SETD5: variants seen among roughly 807,000 people sequenced by gnomAD.
SETD5 encodes the protein SET domain containing 5.
A neutral mutation model predicts 153.3 loss-of-function variants in SETD5; 44 were observed. The ratio of observed to expected loss-of-function variants is 0.29; its 90% CI spans 0.23 to 0.37. The LOEUF (loss-of-function observed/expected upper bound fraction) is 0.37, where lower values mean the gene tolerates loss of function less well. Ranked by LOEUF, SETD5 falls within the 10% of genes least tolerant of loss-of-function variation. SETD5 has a pLI of 1.00. For synonymous variants in SETD5, 716 were observed against 645.2 expected (o/e 1.11, Z -1.66); for missense variants, 1,544 against 1,768.0 (o/e 0.87, Z 2.27).
chr3:9,444,619 G>A (rs371992116), intron 11 of SETD5, among the ~76,000 whole-genome samples: 2 of 152,014 alleles, frequency 1.3e-5, no homozygotes, highest in African/African-American at 2.4e-5. Context: ...CGTCAGGCGC[G>A]GTGACTGACG....
In SETD5 at chr3:9,455,168, C is replaced by CTTTTTT. The variant is rs903600741; in HGVS notation, c.2476+1317_2476+1322dup. On this transcript the variant is annotated intron_variant, in intron 17 of 22. Transcript: ENST00000402198. The stretch of plus-strand genomic sequence containing the variant: ...GTGAATTGCCTTTTTTTCTTTTTTT[C>CTTTTTT]TTTTTTTTTTTTTTTTTTTTTTGAA... Among the ~76,000 whole-genome samples, 54 of 99,876 alleles carry CTTTTTT rather than the reference C, an allele frequency of 5.4e-4. 2 individuals are homozygous for CTTTTTT. The highest frequency in any genetic ancestry group is 1.0e-3 in the South Asian group (3 of 2,916). 65.5% of individuals were successfully genotyped at this position (99,876 alleles called of 152,430 possible).
rs373249407 is a variant in SETD5 at position 9,442,091 on chromosome 3, G to A, written c.960-37G>A. On this transcript the variant is annotated intron_variant, in intron 9 of 22. Coordinates refer to ENST00000402198, the MANE Select transcript of SETD5 (RefSeq NM_001080517.3). ...GAGTCATGGGGTGGCCTTCTTATTTGTGTTGAGAATTACAGGAATTTTAAT... is the reference window on the plus strand; with the variant it reads ...GAGTCATGGGGTGGCCTTCTTATTTATGTTGAGAATTACAGGAATTTTAAT... 8.7e-5 allele frequency: 122 copies of A among 1,408,036 alleles called. 1 individual carries two copies. The Admixed American group carries it at 1.2e-3, about 13-fold the overall frequency. 87.2% of individuals were successfully genotyped at this position (1,408,036 alleles called of 1,614,324 possible).
At chr3:9,469,559 G>T (rs527669539) in intron 18 of SETD5, among the ~76,000 whole-genome samples, 1 of 152,226 alleles carries the variant, frequency 6.6e-6, no homozygotes, top group South Asian at 2.1e-4. Flanking sequence ...GATTTTCTTG[G>T]TGTTTTGACT....
At chr3:9,424,783 A>G (rs1308646759) in intron 2 of SETD5, among the ~76,000 whole-genome samples, 1 of 152,184 alleles carries the variant, frequency 6.6e-6, no homozygotes, top group Non-Finnish European at 1.5e-5. Context: ...TGATCTGTTA[A>G]ATGTTCCTCG....
intron 17 of SETD5, among the ~76,000 whole-genome samples, chr3:9,459,409 C>A (rs1048757562): frequency 7.9e-5 from 12 of 151,922 alleles, no homozygotes; most frequent in African/African-American, 2.9e-4. Flanking sequence ...CCTCTACCCC[C>A]AAAAACAGCG....
intron 3 of SETD5, chr3:9,431,401 G>T (rs192412992): frequency 1.0e-6 from 1 of 982,828 alleles, no homozygotes; most frequent in East Asian, 1.1e-4. Flanking sequence ...TTTGCATAAA[G>T]TGGTTGGCTG....
intron 7 of SETD5, 110 bp downstream of exon 7, chr3:9,436,016 C>A: frequency 9.7e-7 from 1 of 1,030,394 alleles, no homozygotes; most frequent in Non-Finnish European, 1.4e-6. Context: ...GTTTGAAGGG[C>A]CACTTTTGTT....
rs747425896 is a variant in SETD5, at chr3:9,476,064, A to G, written c.4302A>G (p.Gly1434=). The change falls in exon 23 of 23, where the codon GGA becomes GGG. Residue 1434 remains glycine (G), a synonymous_variant. Coordinates refer to ENST00000402198, the MANE Select transcript of SETD5 (RefSeq NM_001080517.3). The stretch of plus-strand genomic sequence containing the variant: ...GACTCCAGCCACTGCAAGGGTCAGG[A>G]GTCAAGACTCAGACGGGACTTTCCT... ...QYRLQPLQGS[G]VKTQTGLS The G allele has an allele frequency of 1.2e-6, 2 of 1,613,812 alleles. No homozygotes were observed. Among genetic ancestry groups the G allele is most frequent in the South Asian group, 2.2e-5 (2 of 91,054 alleles).
chr3:9,474,433 C>G lies in SETD5; in HGVS notation c.3498-16C>G, dbSNP rs780349737. On this transcript the variant is annotated splice_polypyrimidine_tract_variant and intron_variant, in intron 20 of 22. Transcript: ENST00000402198. ...TAAGTCCTGTGGCTTGAACTTGCAC[C>G]CTGTTGCCTTTACAGGATGGTTCCC... is the stretch of plus-strand genomic sequence containing the variant. 8 of 1,612,236 alleles carry G rather than the reference C, an allele frequency of 5.0e-6. No homozygotes were observed. The highest frequency in any genetic ancestry group is 6.8e-6 in the Non-Finnish European group (8 of 1,179,186).
intron 1 of SETD5, among the ~76,000 whole-genome samples, chr3:9,407,669 G>C (rs988232361): frequency 4.6e-5 from 7 of 152,132 alleles, no homozygotes; most frequent in African/African-American, 1.7e-4. Flanking sequence ...TACCCCCAAA[G>C]GATTATGTCA....
rs1445048160 is a variant in SETD5 at position 9,475,557 on chromosome 3, T to A, written c.3795T>A (p.His1265Gln). 6.2e-7 allele frequency: 1 copy of A among 1,613,878 alleles called. No homozygotes were observed. Among genetic ancestry groups the A allele is most frequent in the Non-Finnish European group, 8.5e-7 (1 of 1,179,878 alleles). ...LQQSSSPFRGHPTQSPGYSYR... is the reference protein window; with the variant it reads ...LQQSSSPFRGQPTQSPGYSYR... The stretch of plus-strand genomic sequence containing the variant: ...AGAGTTCCTCCCCCTTCAGAGGACA[T>A]CCTACACAGTCTCCAGGATACAGTT... Residue 1265 changes from histidine (H) to glutamine (Q), a missense_variant, in exon 23 of 23, where the codon CAT becomes CAA. His to Gln is a conservative substitution (Grantham distance 24). Coordinates refer to ENST00000402198, the MANE Select transcript of SETD5 (RefSeq NM_001080517.3).
At chr3:9,398,148 C>A (rs984719723) in intron 1 of SETD5, among the ~76,000 whole-genome samples, 171 bp downstream of exon 1, 2 of 151,730 alleles carry the variant, frequency 1.3e-5, no homozygotes, top group Non-Finnish European at 1.5e-5. Context: ...TTGCACACAC[C>A]GTTGCAACAC....
intron 3 of SETD5, chr3:9,431,823 G>A: frequency 1.4e-6 from 1 of 708,348 alleles, no homozygotes. Flanking sequence ...CCTTTTTCCT[G>A]TCCCCCTCCC....
intron 3 of SETD5, chr3:9,432,412 CTGTACTATATATTGTAT>C (rs1431446024): frequency 1.4e-5 from 5 of 364,382 alleles, no homozygotes; most frequent in African/African-American, 2.2e-5. Flanking sequence ...CTTATTCCTG[CTGTACTATATATTGTAT>C]ATCTTTAAGC....
chr3:9,453,200 G>A (rs992493541), intron 16 of SETD5, among the ~76,000 whole-genome samples: 2 of 152,036 alleles, frequency 1.3e-5, no homozygotes, highest in African/African-American at 4.8e-5. Flanking sequence ...AGTCCCATAG[G>A]TTATTTCATT....
intron 1 of SETD5, among the ~76,000 whole-genome samples, chr3:9,419,035 CA>C (rs2037980715): frequency 6.6e-6 from 1 of 151,954 alleles, no homozygotes; most frequent in Non-Finnish European, 1.5e-5. Flanking sequence ...TCATCTTGGC[CA>C]GGCTGGTCTC....
intron 18 of SETD5, 60 bp downstream of exon 18, chr3:9,464,732 A>G (rs768982014): frequency 6.2e-7 from 1 of 1,609,540 alleles, no homozygotes; most frequent in Non-Finnish European, 8.5e-7. Context: ...GTACCTTCTC[A>G]TTTCAAATAT....
At chr3:9,423,866 C>G (rs1432020334) in intron 1 of SETD5, among the ~76,000 whole-genome samples, 1 of 152,138 alleles carries the variant, frequency 6.6e-6, no homozygotes, top group African/African-American at 2.4e-5. Context: ...TTTTCCCTTC[C>G]TTTTTGGAAG....
chr3:9,420,476 G>C (rs1440643796), intron 1 of SETD5, among the ~76,000 whole-genome samples: 1 of 152,088 alleles, frequency 6.6e-6, no homozygotes, highest in Non-Finnish European at 1.5e-5. Flanking sequence ...ATTGTGCCGA[G>C]CTCAGTAGCT....
Sources: allele counts gnomAD v4.1 joint callset (sites outside exome capture counted in the v4.1 genomes callset), GRCh38; gene constraint gnomAD v4.1.1; transcripts MANE v1.5; gene names NCBI Gene and HGNC (gene_info 2026-07-23, HGNC 2026-07-21).